The following PEX11A variants were observed in gnomAD, a reference collection of about 807,000 sequenced individuals.
The protein encoded by PEX11A is peroxisomal membrane protein 11A.
In PEX11A, 13 loss-of-function variants were observed where a neutral mutation model predicts 14.4. That is an observed-to-expected ratio of 0.90 (90% CI 0.59 to 1.43). The LOEUF is 1.43. PEX11A is among the 40% of genes most tolerant of loss of function. The pLI is 0.00. For missense variants in PEX11A, 290 were observed against 302.8 expected, an observed-to-expected ratio of 0.96 and a Z score of 0.31; for synonymous variants, 101 against 113.0, an observed-to-expected ratio of 0.89 and a Z score of 0.67.
chr15:89,684,725 C>T (rs7176403), intron 2 of PEX11A, among the ~76,000 whole-genome samples: 131,943 of 152,230 alleles, frequency 0.87, 58,532 homozygotes, highest in Middle Eastern at 0.92. Context: ...TATGTGAGCA[C>T]GTAATTCAAT....
rs752735755 is a variant in PEX11A at position 89,683,905 on chromosome 15, C to T, written c.216G>A (p.Glu72=). Residue 72 remains glutamate (E), a synonymous_variant, in exon 3 of 3, where the codon GAG becomes GAA. Coordinates refer to ENST00000300056, the MANE Select transcript of PEX11A (RefSeq NM_003847.3). Reference sequence around the variant, plus strand: ...CCAGGTCAGTGGCATGAATGCTCTGCTCAGTTGCCTGTATAGCATGTACCA... The same window carrying T: ...CCAGGTCAGTGGCATGAATGCTCTGTTCAGTTGCCTGTATAGCATGTACCA... ...GNVVHAIQAT[E]QSIHATDLVP... is the part of the protein sequence containing the mutation. 2 of 1,613,828 alleles carry T rather than the reference C, an allele frequency of 1.2e-6. No individual in the cohort carries two copies. The highest frequency in any genetic ancestry group is 1.3e-5 in the African/African-American group (1 of 74,928).
Position 89,681,833 on chromosome 15 carries a change from G to A in PEX11A, c.*1544C>T, listed in dbSNP as rs1216925194. 4 of 281,466 alleles carry A rather than the reference G, an allele frequency of 1.4e-5. No homozygotes were observed. The highest frequency in any genetic ancestry group is 2.7e-5 in the Non-Finnish European group (4 of 149,092). The allele number at this position is 281,466 out of a possible 1,614,324, so 17.4% of individuals were successfully genotyped here. A position where few individuals can be genotyped will look rare whatever the true frequency, so the allele number is the denominator to read the frequency against. On this transcript the variant is annotated 3_prime_UTR_variant, in exon 3 of 3. Transcript: ENST00000300056. Reference sequence around the variant, plus strand: ...CAGCTTTGCTGGGAGGACTGACATCGGCCTCCTACCTGCTGGCATCCTATT... The same window carrying A: ...CAGCTTTGCTGGGAGGACTGACATCAGCCTCCTACCTGCTGGCATCCTATT...
In PEX11A at chr15:89,682,511, C is replaced by G. The variant is rs1438489667; in HGVS notation, c.*866G>C. The stretch of plus-strand genomic sequence containing the variant: ...TTTTTCTAGAAAAGAATATAAACCA[C>G]TGGACAAGGAAATTTCCAAATTATG... On this transcript the variant is annotated 3_prime_UTR_variant, in exon 3 of 3. Transcript: ENST00000300056. The G allele has an allele frequency of 6.6e-6, 1 of 152,186 alleles. No homozygotes were observed. Among genetic ancestry groups the G allele is most frequent in the East Asian group, 1.9e-4 (1 of 5,202 alleles). 9.4% of individuals were successfully genotyped at this position (152,186 alleles called of 1,614,324 possible). A position where few individuals can be genotyped will look rare whatever the true frequency, so the allele number is the denominator to read the frequency against.
intron 1 of PEX11A, chr15:89,687,963 T>C: frequency 1.8e-6 from 1 of 552,496 alleles, no homozygotes; most frequent in Non-Finnish European, 3.5e-6. Context: ...CTTTCTCTTC[T>C]TATCTCCTCC....
At chr15:89,690,235 A>G (rs1964794649) in intron 1 of PEX11A, among the ~76,000 whole-genome samples, 1 of 152,228 alleles carries the variant, frequency 6.6e-6, no homozygotes, top group Non-Finnish European at 1.5e-5. Flanking sequence ...AAGAATGTTG[A>G]GTGGAGAGAA....
In PEX11A at chr15:89,683,084, A is replaced by T. The variant is rs562488726; in HGVS notation, c.*293T>A. On this transcript the variant is annotated 3_prime_UTR_variant, in exon 3 of 3. Coordinates refer to ENST00000300056, the MANE Select transcript of PEX11A (RefSeq NM_003847.3). ...AATTTTTTCCTTTCAATTTTTATTC[A>T]TTCAGCAAATACTAAGCTCCCACTA... is the stretch of plus-strand genomic sequence containing the variant. 3 of 357,246 alleles carry T rather than the reference A, an allele frequency of 8.4e-6. No homozygotes were observed. The highest frequency in any genetic ancestry group is 8.6e-5 in the Admixed American group (2 of 23,250). 22.1% of individuals were successfully genotyped at this position (357,246 alleles called of 1,614,324 possible). A position where few individuals can be genotyped will look rare whatever the true frequency, so the allele number is the denominator to read the frequency against.
Position 89,686,475 on chromosome 15 carries a change from A to G in PEX11A, c.128T>C (p.Met43Thr), listed in dbSNP as rs199964776. Residue 43 changes from methionine to threonine, a missense_variant, in exon 2 of 3, where the codon ATG becomes ACG. Met to Thr is a moderately conservative substitution (Grantham distance 81). Transcript: ENST00000300056. ...EPKAGKEKVV[M>T]KLKKLESSVS... is the part of the protein sequence containing the mutation. ...ACTGGACTCCAGTTTCTTGAGCTTC[A>G]TTACCACCTTCTCTTTGCCAGCTTT... 223 of 1,605,180 alleles carry G rather than the reference A, an allele frequency of 1.4e-4. No individual in the cohort carries two copies. The highest frequency in any genetic ancestry group is 1.9e-4 in the Non-Finnish European group (218 of 1,172,042).
chr15:89,688,818 C>T (rs531002048), intron 1 of PEX11A, among the ~76,000 whole-genome samples: 1 of 152,106 alleles, frequency 6.6e-6, no homozygotes, highest in African/African-American at 2.4e-5. Context: ...TGGGCTCATG[C>T]CATTCTCCTG....
chr15:89,684,834 C>CTCAA (rs1964653751), intron 2 of PEX11A, among the ~76,000 whole-genome samples: 1 of 152,052 alleles, frequency 6.6e-6, no homozygotes, highest in African/African-American at 2.4e-5. Flanking sequence ...AGTACTTTTC[C>CTCAA]TTGAAGGATC....
Position 89,686,521 on chromosome 15 carries a change from GCA to G in PEX11A, c.80_81del (p.Leu27SerfsTer2). 1 of 1,586,494 alleles carries G rather than the reference GCA, an allele frequency of 6.3e-7. No homozygotes were observed. The highest frequency in any genetic ancestry group is 8.7e-7 in the Non-Finnish European group (1 of 1,155,434). On this transcript the variant is annotated frameshift_variant, in exon 2 of 3. Transcript: ENST00000300056. LOFTEE classifies it high-confidence loss of function. ...LFRATQYTCM[L>X]LRYLLEPKAG... ...GCTTTGGGCTCTAACAAATATCTAA[GCA>G]ACATGCATGTGTACTGAGTGGCTCT... is the stretch of plus-strand genomic sequence containing the variant.
At chr15:89,688,048 T>C (rs1964702674) in intron 1 of PEX11A, 1 of 536,808 alleles carries the variant, frequency 1.9e-6, no homozygotes, top group East Asian at 5.1e-5. Flanking sequence ...ACTCAAGCTT[T>C]AGCACAAACT....
intron 1 of PEX11A, among the ~76,000 whole-genome samples, chr15:89,689,781 A>G (rs538760064): frequency 6.6e-5 from 10 of 152,306 alleles, no homozygotes; most frequent in African/African-American, 2.2e-4. Context: ...CAGTATCTCA[A>G]TGATACAGCC....
rs1473389238 is a variant in PEX11A at position 89,682,205 on chromosome 15, AG to A, written c.*1171del. 1 of 152,170 alleles carries A rather than the reference AG, an allele frequency of 6.6e-6. No individual in the cohort carries two copies. The highest frequency in any genetic ancestry group is 2.4e-5 in the African/African-American group (1 of 41,442). 9.4% of individuals were successfully genotyped at this position (152,170 alleles called of 1,614,324 possible). A position where few individuals can be genotyped will look rare whatever the true frequency, so the allele number is the denominator to read the frequency against. On this transcript the variant is annotated 3_prime_UTR_variant, in exon 3 of 3. Coordinates refer to ENST00000300056, the MANE Select transcript of PEX11A (RefSeq NM_003847.3). ...CTGTCTTAATTTTTTTTTAAGACAC[AG>A]GGTCTTGCTCTATCACCCGGGCTGG... is the stretch of plus-strand genomic sequence containing the variant.
Position 89,683,862 on chromosome 15 carries a change from T to A in PEX11A, c.259A>T (p.Thr87Ser), listed in dbSNP as rs1446111895. ...ATCACACGGTTCAGGTTGGCTAATG[T>A]TAAGCATAAGCGAGGTACCAGGTCA... ...ATDLVPRLCL[T>S]LANLNRVIYF... The change falls in exon 3 of 3, where the codon ACA (threonine) becomes TCA (serine). Residue 87 changes from threonine (T) to serine (S), a missense_variant. Transcript: ENST00000300056. 3 of 1,613,896 alleles carry A rather than the reference T, an allele frequency of 1.9e-6. No homozygotes were observed. Among genetic ancestry groups the A allele is most frequent in the African/African-American group, 2.7e-5 (2 of 74,938 alleles).
Position 89,682,883 on chromosome 15 carries a change from A to T in PEX11A, c.*494T>A. On this transcript the variant is annotated 3_prime_UTR_variant, in exon 3 of 3. Transcript: ENST00000300056. ...GAGTGCAGTGATGGTATAAGGGCCA[A>T]CAAGTTGAGAGGCTGTAAGCCCAGC... The T allele has an allele frequency of 6.3e-6, 1 of 158,878 alleles. No individual in the cohort carries two copies. Among genetic ancestry groups the T allele is most frequent in the Non-Finnish European group, 1.4e-5 (1 of 72,326 alleles). The allele number at this position is 158,878 out of a possible 1,614,324, so 9.8% of individuals were successfully genotyped here.
intron 1 of PEX11A, among the ~76,000 whole-genome samples, chr15:89,687,677 T>G (rs1034615986): frequency 6.6e-6 from 1 of 152,170 alleles, no homozygotes; most frequent in African/African-American, 2.4e-5. Flanking sequence ...TGCGGTACAT[T>G]TTCATTTTCT....
In PEX11A at chr15:89,690,633, G is replaced by A. The variant is rs1252980656; in HGVS notation, c.-1C>T. 6.4e-6 allele frequency: 10 copies of A among 1,551,024 alleles called. No individual in the cohort carries two copies. Among genetic ancestry groups the A allele is most frequent in the Non-Finnish European group, 8.7e-6 (10 of 1,146,692 alleles). ...TGGTGAAGCGGGTGAAGGCGTCCAT[G>A]GCTTCTAGCCCAAAGGCCACGAGTC... On this transcript the variant is annotated 5_prime_UTR_variant, in exon 1 of 3. Coordinates refer to ENST00000300056, the MANE Select transcript of PEX11A (RefSeq NM_003847.3).
intron 1 of PEX11A, among the ~76,000 whole-genome samples, chr15:89,690,072 C>T (rs1448676312): frequency 1.3e-5 from 2 of 152,100 alleles, no homozygotes; most frequent in African/African-American, 4.8e-5. Context: ...GCAGAGGTTG[C>T]AGTGGGCCGA....
At position 89,683,556 on chromosome 15, in the gene PEX11A, T is replaced by C; in HGVS notation, c.565A>G (p.Lys189Glu). The C allele has an allele frequency of 6.2e-7, 1 of 1,614,214 alleles. No homozygotes were observed. Among genetic ancestry groups the C allele is most frequent in the Non-Finnish European group, 8.5e-7 (1 of 1,180,024 alleles). The change falls in exon 3 of 3, where the codon AAG (lysine) becomes GAG (glutamate). Residue 189 changes from lysine (K) to glutamate (E), a missense_variant. Transcript: ENST00000300056. The part of the protein sequence containing the change: ...SFLLLLFRSL[K>E]QHPPLLLDTV... Reference sequence around the variant, plus strand: ...TCCAGGAGCAAGGGAGGATGCTGCTTCAGAGATCGGAATAAAAGAAGTAGA... The same window carrying C: ...TCCAGGAGCAAGGGAGGATGCTGCTCCAGAGATCGGAATAAAAGAAGTAGA...
Sources: gnomAD v4.1 joint callset for allele counts (sites outside exome capture counted in the v4.1 genomes callset) on GRCh38, gnomAD v4.1.1 for gene constraint, MANE v1.5 for transcripts, NCBI Gene and HGNC (gene_info 2026-07-23, HGNC 2026-07-21) for gene names.